Variants in SH3PXD2B observed in about 807,000 individuals in gnomAD.
SH3PXD2B encodes SH3 and PX domains 2B, also known as SH3 and PX domain-containing protein 2B.
SH3PXD2B carries 37 observed loss-of-function variants against 73.1 expected under a neutral mutation model. The ratio of observed to expected loss-of-function variants is 0.51; its 90% CI spans 0.39 to 0.67. SH3PXD2B has a LOEUF of 0.67. Among genes scored for constraint, SH3PXD2B ranks in the 30% least tolerant of loss-of-function variants. The pLI is 0.00. For synonymous variants in SH3PXD2B, 457 were observed against 480.5 expected, an observed-to-expected ratio of 0.95 and a Z score of 0.64; for missense variants, 1,053 against 1,197.8, an observed-to-expected ratio of 0.88 and a Z score of 1.78.
chr5:172,331,292 C>A (rs1443229884), downstream of SH3PXD2B, among the ~76,000 whole-genome samples: 2 of 152,162 alleles, frequency 1.3e-5, no homozygotes, highest in African/African-American at 4.8e-5. Context: ...AAAGCCCGGC[C>A]ATTTCTCAGG....
rs555808956 is a variant in SH3PXD2B, at chr5:172,382,272, C to G, written c.310-145G>C. ...CGGAGGTTGCAGTGAGCTGAGATCG[C>G]GCCACTGCACTCCAGACTGGGTGAC... On this transcript the variant is annotated intron_variant, in intron 4 of 12. Coordinates refer to ENST00000311601, the MANE Select transcript of SH3PXD2B (RefSeq NM_001017995.3). The G allele has an allele frequency of 6.6e-6, 4 of 608,542 alleles. No individual in the cohort carries two copies. In the Admixed American group the frequency reaches 1.2e-4, roughly 18 times the overall value. 37.7% of individuals were successfully genotyped at this position (608,542 alleles called of 1,614,324 possible).
intron 12 of SH3PXD2B, among the ~76,000 whole-genome samples, chr5:172,345,722 G>A (rs896285393): frequency 6.6e-6 from 1 of 152,156 alleles, no homozygotes; most frequent in Admixed American, 6.5e-5. Flanking sequence ...AAGCAAGAAC[G>A]GAGGTGGGAG....
At chr5:172,379,614 G>A (rs1460136327) in intron 5 of SH3PXD2B, among the ~76,000 whole-genome samples, 1 of 152,162 alleles carries the variant, frequency 6.6e-6, no homozygotes, top group African/African-American at 2.4e-5. Context: ...AGACAGCGCT[G>A]GAATAAAGAC....
Position 172,358,990 on chromosome 5 carries a change from A to G in SH3PXD2B, c.563-113T>C, listed in dbSNP as rs1757342482. On this transcript the variant is annotated intron_variant, in intron 7 of 12. Transcript: ENST00000311601. ...CAGTGAATGCACAGGGTAAGGCTAA[A>G]GTTACCATTTTATTGGTAGAACACA... 72 of 1,003,128 alleles carry G rather than the reference A, an allele frequency of 7.2e-5. 1 individual carries two copies. The South Asian group carries it at 8.1e-4, about 11-fold the overall frequency. The allele number at this position is 1,003,128 out of a possible 1,614,324, so 62.1% of individuals were successfully genotyped here. A position where few individuals can be genotyped will look rare whatever the true frequency, so the allele number is the denominator to read the frequency against.
chr5:172,400,114 C>A (rs1307147184), intron 3 of SH3PXD2B, among the ~76,000 whole-genome samples: 1 of 152,190 alleles, frequency 6.6e-6, no homozygotes, highest in East Asian at 1.9e-4. Context: ...TACAGAGGAA[C>A]CGGGACATTT....
intron 1 of SH3PXD2B, among the ~76,000 whole-genome samples, 157 bp downstream of exon 1, chr5:172,454,121 C>A (rs1165033340): frequency 7.9e-6 from 1 of 126,478 alleles, no homozygotes. Context: ...GAGGAGGAGT[C>A]GGGAGGGACC....
chr5:172,376,622 G>A (rs1757828012), intron 5 of SH3PXD2B, among the ~76,000 whole-genome samples: 1 of 152,174 alleles, frequency 6.6e-6, no homozygotes, highest in Non-Finnish European at 1.5e-5. Context: ...GTCTGGCCAG[G>A]TCGGGCTGGG....
At chr5:172,414,347 T>C (rs1159105055) in intron 2 of SH3PXD2B, among the ~76,000 whole-genome samples, 2 of 150,888 alleles carry the variant, frequency 1.3e-5, no homozygotes, top group Non-Finnish European at 2.9e-5. Flanking sequence ...CGCGTGCCTG[T>C]AATCCCAGCT....
At chr5:172,409,351 C>G (rs745595705) in intron 2 of SH3PXD2B, among the ~76,000 whole-genome samples, 5 of 152,048 alleles carry the variant, frequency 3.3e-5, no homozygotes, top group Non-Finnish European at 7.3e-5. Context: ...CATTGCACTA[C>G]AGCCTGGACA....
At chr5:172,446,822 G>A (rs1260945636) in intron 1 of SH3PXD2B, among the ~76,000 whole-genome samples, 2 of 152,230 alleles carry the variant, frequency 1.3e-5, no homozygotes, top group East Asian at 1.9e-4. Flanking sequence ...AGCACGATGG[G>A]GAAGGGCCTG....
intron 2 of SH3PXD2B, among the ~76,000 whole-genome samples, chr5:172,415,917 C>T (rs751681212): frequency 3.7e-4 from 57 of 152,340 alleles, no homozygotes; most frequent in Non-Finnish European, 6.6e-4. Context: ...CCATTTCCTG[C>T]ACCCTCAGGT....
chr5:172,395,502 A>G (rs1758274093), intron 3 of SH3PXD2B, among the ~76,000 whole-genome samples: 1 of 152,228 alleles, frequency 6.6e-6, no homozygotes, highest in Non-Finnish European at 1.5e-5. Context: ...ACATGGGTAG[A>G]GAATGTGGGT....
intron 5 of SH3PXD2B, among the ~76,000 whole-genome samples, chr5:172,381,727 G>C (rs1046462412): frequency 6.6e-6 from 1 of 152,220 alleles, no homozygotes; most frequent in East Asian, 1.9e-4. Context: ...GAAGCTAGAT[G>C]AATCTACGGC....
intron 6 of SH3PXD2B, among the ~76,000 whole-genome samples, chr5:172,366,203 G>A (rs1322374559): frequency 6.6e-6 from 1 of 152,176 alleles, no homozygotes; most frequent in African/African-American, 2.4e-5. Flanking sequence ...TTTCTGTGCA[G>A]TGCTCCATCA....
At chr5:172,426,275 G>T (rs1278498701) in intron 1 of SH3PXD2B, among the ~76,000 whole-genome samples, 1 of 152,304 alleles carries the variant, frequency 6.6e-6, no homozygotes, top group Admixed American at 6.5e-5. Context: ...GTAGGGCTTT[G>T]TCCCCGTCCT....
At chr5:172,362,385 G>A (rs1757421470) in intron 7 of SH3PXD2B, among the ~76,000 whole-genome samples, 1 of 152,178 alleles carries the variant, frequency 6.6e-6, no homozygotes, top group Non-Finnish European at 1.5e-5. Context: ...GAGCAATGGA[G>A]CCTTCTCGGA....
chr5:172,438,089 C>T (rs2569220), intron 1 of SH3PXD2B, among the ~76,000 whole-genome samples: 37,385 of 152,048 alleles, frequency 0.25, 5,396 homozygotes, highest in Non-Finnish European at 0.33. Context: ...CAGTCTGCCC[C>T]TCCTCTGCTC....
chr5:172,384,677 C>T (rs549942444), intron 4 of SH3PXD2B, among the ~76,000 whole-genome samples: 20 of 152,314 alleles, frequency 1.3e-4, no homozygotes, highest in Middle Eastern at 6.8e-3. Flanking sequence ...TTGCAGCAGG[C>T]GTAAACACTT....
chr5:172,346,969 C>T (rs1287754984), intron 11 of SH3PXD2B, among the ~76,000 whole-genome samples: 1 of 152,184 alleles, frequency 6.6e-6, no homozygotes, highest in Non-Finnish European at 1.5e-5. Context: ...TGTGTCTCAT[C>T]TCAGCTTGGG....
Sources: gnomAD v4.1 joint callset for allele counts (sites outside exome capture counted in the v4.1 genomes callset) on GRCh38, gnomAD v4.1.1 for gene constraint, MANE v1.5 for transcripts, NCBI Gene and HGNC (gene_info 2026-07-23, HGNC 2026-07-21) for gene names.